Variants in HPSE2 observed in about 807,000 individuals in gnomAD.
The protein encoded by HPSE2 is inactive heparanase-2.
HPSE2 carries 38 observed loss-of-function variants against 60.5 expected under a neutral mutation model. The observed-to-expected ratio is 0.63, with a 90% CI of 0.48 to 0.82. The LOEUF (loss-of-function observed/expected upper bound fraction) is 0.82, where lower values mean the gene tolerates loss of function less well. Ranked by LOEUF, HPSE2 falls within the 40% of genes least tolerant of loss-of-function variation. The pLI, the probability that HPSE2 is intolerant of heterozygous loss-of-function variation, is 0.00. For missense variants in HPSE2, 713 were observed against 740.4 expected, an observed-to-expected ratio of 0.96 and a Z score of 0.43; for synonymous variants, 295 against 293.2, an observed-to-expected ratio of 1.01 and a Z score of -0.06.
chr10:99,251,862 C>CA, the HPSE2 span, among the ~76,000 whole-genome samples: 7,416 of 57,322 alleles, frequency 0.13, 854 homozygotes, highest in African/African-American at 0.17. Context: ...CTCTCTCTAC[C>CA]AAAAAAAAAA....
intron 3 of HPSE2, among the ~76,000 whole-genome samples, chr10:99,037,618 T>C (rs1957639979): frequency 6.6e-6 from 1 of 151,786 alleles, no homozygotes; most frequent in African/African-American, 2.4e-5. Context: ...TTGTGATTTA[T>C]AAGAAGGAGA....
chr10:98,765,391 T>A (rs1273304934), intron 3 of HPSE2, among the ~76,000 whole-genome samples: 1 of 152,204 alleles, frequency 6.6e-6, no homozygotes, highest in Non-Finnish European at 1.5e-5. Flanking sequence ...GAAATTAAAC[T>A]ACTGCTATAA....
chr10:98,896,631 GAATT>G (rs1953500580), intron 3 of HPSE2, among the ~76,000 whole-genome samples: 2 of 151,942 alleles, frequency 1.3e-5, no homozygotes, highest in Non-Finnish European at 2.9e-5. Flanking sequence ...AGAAGAAAAA[GAATT>G]AATAAAAATT....
upstream of HPSE2, among the ~76,000 whole-genome samples, chr10:99,239,460 C>T (rs574048504): frequency 3.5e-5 from 4 of 114,810 alleles, no homozygotes; most frequent in East Asian, 2.9e-4. Context: ...GACAGAGTCT[C>T]GCTCTGTCGC....
intron 3 of HPSE2, among the ~76,000 whole-genome samples, chr10:99,076,148 G>A (rs959657352): frequency 2.7e-5 from 4 of 150,388 alleles, no homozygotes; most frequent in African/African-American, 9.8e-5. Flanking sequence ...GTCTTCCCTT[G>A]TTTTTCATTG....
chr10:99,313,927 A>G, the HPSE2 span, among the ~76,000 whole-genome samples: 1 of 152,036 alleles, frequency 6.6e-6, no homozygotes, highest in African/African-American at 2.4e-5. Context: ...AAGGTGTTCT[A>G]TTGTAGGTAA....
At chr10:99,067,534 T>C (rs1014105291) in intron 3 of HPSE2, among the ~76,000 whole-genome samples, 6 of 152,228 alleles carry the variant, frequency 3.9e-5, no homozygotes, top group African/African-American at 1.4e-4. Flanking sequence ...CCCAATGTCA[T>C]GTGGAAGCTG....
intron 10 of HPSE2, among the ~76,000 whole-genome samples, chr10:98,486,715 C>T (rs971559182): frequency 6.6e-6 from 1 of 152,142 alleles, no homozygotes; most frequent in Admixed American, 6.5e-5. Context: ...TTGCAGTCCA[C>T]GGTCATTCCC....
Position 98,614,909 on chromosome 10 carries a change from A to T in HPSE2, c.1315T>A (p.Leu439Ile). The T allele has an allele frequency of 6.2e-7, 1 of 1,603,012 alleles. No homozygotes were observed. Among genetic ancestry groups the T allele is most frequent in the South Asian group, 1.1e-5 (1 of 90,824 alleles). ...NHLVDQNFNP[L>I]PDYWLSLLYK... ...AATCTTTATCCCACACTTACTGGTA[A>T]TGGGTTAAAATTCTGGTCCACGAGG... is the stretch of plus-strand genomic sequence containing the variant. Residue 439 changes from leucine (L) to isoleucine (I), a missense_variant, in exon 9 of 12, where the codon TTA becomes ATA. Transcript: ENST00000370552.
chr10:99,230,996 C>T (rs1286144634), intron 2 of HPSE2, among the ~76,000 whole-genome samples: 2 of 152,186 alleles, frequency 1.3e-5, no homozygotes, highest in African/African-American at 4.8e-5. Flanking sequence ...CAAAAGTCTA[C>T]TTGCAATCCA....
chr10:99,187,677 C>G (rs911817331), intron 2 of HPSE2, among the ~76,000 whole-genome samples: 1 of 152,122 alleles, frequency 6.6e-6, no homozygotes, highest in Admixed American at 6.5e-5. Flanking sequence ...CAAATGAAAA[C>G]GTAGTAAGAT....
At chr10:98,778,162 T>C (rs1349790721) in intron 3 of HPSE2, among the ~76,000 whole-genome samples, 1 of 151,086 alleles carries the variant, frequency 6.6e-6, no homozygotes, top group Non-Finnish European at 1.5e-5. Context: ...ACAAAACACA[T>C]GAAATAACAG....
At chr10:98,524,053 TC>T (rs1408086051) in intron 9 of HPSE2, among the ~76,000 whole-genome samples, 3 of 152,182 alleles carry the variant, frequency 2.0e-5, no homozygotes, top group African/African-American at 7.2e-5. Context: ...GAACCCTTTC[TC>T]AGTCCCAGGG....
chr10:98,795,567 G>A (rs1377335401), intron 3 of HPSE2, among the ~76,000 whole-genome samples: 3 of 152,216 alleles, frequency 2.0e-5, no homozygotes, highest in Non-Finnish European at 4.4e-5. Context: ...AAAGTGCTCT[G>A]GGGTTCCAGG....
intron 2 of HPSE2, among the ~76,000 whole-genome samples, chr10:99,173,899 C>A (rs557015026): frequency 1.4e-5 from 2 of 145,306 alleles, no homozygotes; most frequent in Non-Finnish European, 3.0e-5. Context: ...GCCAAGATCA[C>A]GCCACTACAC....
At chr10:98,504,027 CTTA>C (rs1942113297) in intron 9 of HPSE2, among the ~76,000 whole-genome samples, 1 of 152,098 alleles carries the variant, frequency 6.6e-6, no homozygotes, top group African/African-American at 2.4e-5. Context: ...CAGTGAATAA[CTTA>C]TTTAGATTTT....
intron 3 of HPSE2, among the ~76,000 whole-genome samples, chr10:99,039,995 G>A (rs1957700826): frequency 6.6e-6 from 1 of 152,060 alleles, no homozygotes; most frequent in South Asian, 2.1e-4. Flanking sequence ...TGTAACTGCT[G>A]TTGCCTGTAT....
At chr10:98,912,966 T>C (rs923239819) in intron 3 of HPSE2, among the ~76,000 whole-genome samples, 61 of 152,174 alleles carry the variant, frequency 4.0e-4, no homozygotes, top group Non-Finnish European at 7.8e-4. Flanking sequence ...GGATAAATGC[T>C]TGAGGGAATG....
At chr10:98,541,978 G>C (rs1943482085) in intron 9 of HPSE2, among the ~76,000 whole-genome samples, 1 of 147,284 alleles carries the variant, frequency 6.8e-6, no homozygotes, top group East Asian at 2.1e-4. Context: ...GGTTCTCCCA[G>C]CACGCAGCTG....
Sources: allele counts gnomAD v4.1 joint callset (sites outside exome capture counted in the v4.1 genomes callset), GRCh38; gene constraint gnomAD v4.1.1; transcripts MANE v1.5; gene names NCBI Gene and HGNC (gene_info 2026-07-23, HGNC 2026-07-21).